The following ME2 variants were observed in gnomAD, a reference collection of about 807,000 sequenced individuals.
The protein encoded by ME2 is malic enzyme 2.
Under a neutral mutation model 73.7 loss-of-function variants are expected in ME2, and 60 were observed. The observed-to-expected ratio is 0.81, with a 90% CI of 0.66 to 1.01. ME2 has a LOEUF of 1.01. Among genes scored for constraint, ME2 ranks in the 50% least tolerant of loss-of-function variants. The probability of loss-of-function intolerance (pLI) is 0.00; values close to 1 mark genes in which losing one functional copy is unlikely to be tolerated. For synonymous variants in ME2, 199 were observed against 236.9 expected (o/e 0.84, Z 1.47); for missense variants, 594 against 705.5 (o/e 0.84, Z 1.79).
intron 1 of ME2, among the ~76,000 whole-genome samples, chr18:50,883,780 C>T (rs777515436): frequency 5.5e-4 from 84 of 152,228 alleles, no homozygotes; most frequent in Non-Finnish European, 8.2e-4. Flanking sequence ...AGGAGAATTG[C>T]TTGACCTAGG....
intron 1 of ME2, among the ~76,000 whole-genome samples, chr18:50,889,964 A>G (rs917329685): frequency 1.3e-5 from 2 of 152,214 alleles, no homozygotes; most frequent in Non-Finnish European, 2.9e-5. Context: ...AATTATGTCA[A>G]AGGTTTAAAA....
intron 2 of ME2, among the ~76,000 whole-genome samples, chr18:50,907,630 A>AT (rs1180474438): frequency 1.3e-5 from 2 of 152,224 alleles, no homozygotes; most frequent in Non-Finnish European, 2.9e-5. Flanking sequence ...TGGTATGAAT[A>AT]TACCATAGGA....
intron 12 of ME2, among the ~76,000 whole-genome samples, chr18:50,930,214 C>T (rs988060806): frequency 1.3e-5 from 2 of 151,996 alleles, no homozygotes; most frequent in Non-Finnish European, 2.9e-5. Flanking sequence ...GAGCTGTGAT[C>T]GTGCCACTGA....
intron 4 of ME2, among the ~76,000 whole-genome samples, chr18:50,915,136 A>C (rs1175277712): frequency 2.0e-5 from 3 of 151,990 alleles, no homozygotes; most frequent in African/African-American, 7.3e-5. Flanking sequence ...TTTGTTAATA[A>C]CATTTTCTTT....
rs776768321 is a variant in ME2, at chr18:50,932,258, G to T, written c.1315G>T (p.Gly439Cys). 1 of 1,611,452 alleles carries T rather than the reference G, an allele frequency of 6.2e-7. No homozygotes were observed. The highest frequency in any genetic ancestry group is 8.5e-7 in the Non-Finnish European group (1 of 1,178,272). Residue 439 changes from glycine to cysteine, a missense_variant and splice_region_variant, in exon 13 of 16, where the codon GGC becomes TGC. Physicochemically the swap from Gly to Cys is radical, Grantham distance 159 (BLOSUM62 -3). Coordinates refer to ENST00000321341, the MANE Select transcript of ME2 (RefSeq NM_002396.5). ...TAEEAYTLTE[G>C]RCLFASGSPF... ...TGAAGTTATTTCATTTTATTAACAG[G>T]GCAGGTGTTTGTTTGCCAGTGGCAG...
chr18:50,943,026 G>A (rs1774831413), intron 15 of ME2, among the ~76,000 whole-genome samples: 1 of 151,786 alleles, frequency 6.6e-6, no homozygotes, highest in Admixed American at 6.6e-5. Context: ...CAAACTCCTA[G>A]GCTCAAGTGA....
chr18:50,919,090 G>A (rs1917360158), intron 7 of ME2, among the ~76,000 whole-genome samples: 1 of 151,364 alleles, frequency 6.6e-6, no homozygotes, highest in Non-Finnish European at 1.5e-5. Flanking sequence ...CAAATTCAGT[G>A]GGTACTACCA....
At chr18:50,885,555 A>G (rs1396871456) in intron 1 of ME2, among the ~76,000 whole-genome samples, 7 of 152,104 alleles carry the variant, frequency 4.6e-5, no homozygotes, top group African/African-American at 1.4e-4. Context: ...TTAAATGACA[A>G]TTTATAAAAT....
At chr18:50,943,642 G>A (rs1016559638) in intron 15 of ME2, among the ~76,000 whole-genome samples, 1 of 152,102 alleles carries the variant, frequency 6.6e-6, no homozygotes, top group Non-Finnish European at 1.5e-5. Flanking sequence ...TTTGGTGCCT[G>A]TAACCTAAGC....
At chr18:50,899,496 A>C (rs1003694971) in intron 2 of ME2, among the ~76,000 whole-genome samples, 1 of 152,114 alleles carries the variant, frequency 6.6e-6, no homozygotes, top group Non-Finnish European at 1.5e-5. Context: ...GCATGCCTAT[A>C]GTTTCAGCTA....
rs79967814 is a variant in ME2 at position 50,896,347 on chromosome 18, C to G, written c.108+419C>G. The stretch of plus-strand genomic sequence containing the variant: ...AACCTTTATGTAAAGTCCACATCAC[C>G]CCACCTCCACTTATCTTTTTGGACA... On this transcript the variant is annotated intron_variant, in intron 2 of 15. Coordinates refer to ENST00000321341, the MANE Select transcript of ME2 (RefSeq NM_002396.5). Among the ~76,000 whole-genome samples the G allele has an allele frequency of 4.0e-3, 609 of 152,210 alleles. 10 individuals carry two copies. In the East Asian group the frequency reaches 0.064, roughly 16 times the overall value.
At chr18:50,882,221 A>C (rs1021449640) in intron 1 of ME2, among the ~76,000 whole-genome samples, 1 of 151,840 alleles carries the variant, frequency 6.6e-6, no homozygotes, top group Non-Finnish European at 1.5e-5. Context: ...CTGACCTGGA[A>C]CTCTTGAGCT....
intron 1 of ME2, among the ~76,000 whole-genome samples, chr18:50,888,923 G>A (rs899671784): frequency 6.6e-6 from 1 of 151,926 alleles, no homozygotes; most frequent in Non-Finnish European, 1.5e-5. Context: ...TTCAGGGTAC[G>A]TGTGATAATT....
At chr18:50,918,354 G>A in intron 7 of ME2, 141 bp downstream of exon 7, 1 of 534,312 alleles carries the variant, frequency 1.9e-6, no homozygotes, top group Non-Finnish European at 3.4e-6. Flanking sequence ...ACTTTGTTCT[G>A]CCTGGCTGTT....
At chr18:50,880,739 C>T (rs991122507) in intron 1 of ME2, among the ~76,000 whole-genome samples, 4 of 152,082 alleles carry the variant, frequency 2.6e-5, no homozygotes, top group African/African-American at 9.7e-5. Context: ...TTTTATCATG[C>T]ATTAATAGGA....
At chr18:50,933,217 C>G (rs1917739590) in intron 13 of ME2, 1 of 152,076 alleles carries the variant, frequency 6.6e-6, no homozygotes, top group African/African-American at 2.4e-5. Context: ...TTCTAGTGAT[C>G]CTCAGTTGTC....
chr18:50,934,624 G>A (rs1917773738), intron 13 of ME2: 1 of 152,010 alleles, frequency 6.6e-6, no homozygotes, highest in Non-Finnish European at 1.5e-5. Flanking sequence ...CTCCAGCCTG[G>A]GCAACAAAGT....
chr18:50,907,052 C>T (rs943594005), intron 2 of ME2, among the ~76,000 whole-genome samples: 3 of 152,190 alleles, frequency 2.0e-5, no homozygotes, highest in African/African-American at 7.2e-5. Flanking sequence ...TGGGCAGCTG[C>T]TATGCTAAAT....
rs1048552689 is a variant in ME2, at chr18:50,879,267, C to G, written c.-54C>G. 6.6e-6 allele frequency: 1 copy of G among 152,436 alleles called. No individual in the cohort carries two copies. The highest frequency in any genetic ancestry group is 1.5e-5 in the Non-Finnish European group (1 of 68,320). The allele number at this position is 152,436 out of a possible 1,614,324, so 9.4% of individuals were successfully genotyped here. ...GCCAGGGCGGGCGGCAGGGCGCGGCCTCTCCGCCGGGTGTACCACCTGTCG... is the reference window on the plus strand; with the variant it reads ...GCCAGGGCGGGCGGCAGGGCGCGGCGTCTCCGCCGGGTGTACCACCTGTCG... On this transcript the variant is annotated 5_prime_UTR_variant, in exon 1 of 16. Coordinates refer to ENST00000321341, the MANE Select transcript of ME2 (RefSeq NM_002396.5).
Sources: allele counts gnomAD v4.1 joint callset (sites outside exome capture counted in the v4.1 genomes callset), GRCh38; gene constraint gnomAD v4.1.1; transcripts MANE v1.5; gene names NCBI Gene and HGNC (gene_info 2026-07-23, HGNC 2026-07-21).